The following RAB3GAP1 variants were observed in gnomAD, a reference collection of about 807,000 sequenced individuals.
RAB3GAP1 encodes rab3 GTPase-activating protein catalytic subunit.
In RAB3GAP1, 86 loss-of-function variants were observed where a neutral mutation model predicts 130.7. The observed-to-expected ratio is 0.66, with a 90% CI of 0.55 to 0.79. The LOEUF is 0.79. RAB3GAP1 is among the 30% of genes least tolerant of loss of function. RAB3GAP1 has a pLI of 0.00. For missense variants in RAB3GAP1, 1,029 were observed against 1,169.4 expected, an observed-to-expected ratio of 0.88 and a Z score of 1.75; for synonymous variants, 367 against 401.7, an observed-to-expected ratio of 0.91 and a Z score of 1.03.
chr2:135,055,982 G>A (rs1574071142), intron 2 of RAB3GAP1, among the ~76,000 whole-genome samples: 6 of 151,878 alleles, frequency 4.0e-5, no homozygotes, highest in African/African-American at 1.2e-4. Flanking sequence ...GACTACAGGT[G>A]CCCGCCACCA....
At chr2:135,116,853 G>C (rs1690984543) in intron 7 of RAB3GAP1, among the ~76,000 whole-genome samples, 1 of 152,082 alleles carries the variant, frequency 6.6e-6, no homozygotes, top group African/African-American at 2.4e-5. Context: ...CAATCTTTCT[G>C]AAGGTTTGAG....
intron 17 of RAB3GAP1, among the ~76,000 whole-genome samples, chr2:135,138,714 TC>T (rs1319956771): frequency 6.6e-6 from 1 of 151,784 alleles, no homozygotes; most frequent in Non-Finnish European, 1.5e-5. Flanking sequence ...GCTCAAGTGA[TC>T]CTCTGACCTT....
At chr2:135,053,451 G>T (rs1300870124) in intron 2 of RAB3GAP1, among the ~76,000 whole-genome samples, 1 of 152,214 alleles carries the variant, frequency 6.6e-6, no homozygotes, top group Non-Finnish European at 1.5e-5. Context: ...AGGAGTGATA[G>T]CTTAGATCGA....
chr2:135,093,698 G>A lies in RAB3GAP1; in HGVS notation c.362+5G>A, dbSNP rs1268683289. On this transcript the variant is annotated splice_donor_5th_base_variant and intron_variant, in intron 5 of 23. Coordinates refer to ENST00000264158, the MANE Select transcript of RAB3GAP1 (RefSeq NM_012233.3). ...AGCACATTGCCTGGTAAGATGGTAG[G>A]TATATCTTTTACTCAGTATCTTTTA... is the stretch of plus-strand genomic sequence containing the variant. 1.2e-6 allele frequency: 2 copies of A among 1,601,638 alleles called. No homozygotes were observed. Among genetic ancestry groups the A allele is most frequent in the Admixed American group, 1.7e-5 (1 of 59,982 alleles).
intron 3 of RAB3GAP1, among the ~76,000 whole-genome samples, chr2:135,081,306 C>CAA (rs1169138978): frequency 0.033 from 430 of 12,950 alleles, 20 homozygotes; most frequent in East Asian, 0.079. Flanking sequence ...GACTCCGTCT[C>CAA]AAAAAAAAAA....
At chr2:135,151,711 G>A (rs1692177844) in intron 18 of RAB3GAP1, among the ~76,000 whole-genome samples, 2 of 152,216 alleles carry the variant, frequency 1.3e-5, no homozygotes, top group Admixed American at 6.5e-5. Context: ...TGGGGCACAT[G>A]TCAAACCAAA....
intron 19 of RAB3GAP1, among the ~76,000 whole-genome samples, chr2:135,159,823 A>G (rs1245061981): frequency 1.3e-5 from 2 of 152,274 alleles, no homozygotes; most frequent in Non-Finnish European, 1.5e-5. Flanking sequence ...TGAAGCACTG[A>G]TATGTGTTAC....
At chr2:135,115,145 GA>G in intron 6 of RAB3GAP1, 70 bp from the exon 7 acceptor site, 1 of 1,433,356 alleles carries the variant, frequency 7.0e-7, no homozygotes, top group Non-Finnish European at 9.7e-7. Context: ...AAATAATTTG[GA>G]AAAAATTTGA....
In RAB3GAP1 at chr2:135,113,999, C is replaced by T. The variant is rs557800133; in HGVS notation, c.482+729C>T. Among the ~76,000 whole-genome samples, 16 of 152,268 alleles carry T rather than the reference C, an allele frequency of 1.1e-4. No homozygotes were observed. In the South Asian group the frequency reaches 1.7e-3, roughly 16 times the overall value. On this transcript the variant is annotated intron_variant, in intron 6 of 23. Transcript: ENST00000264158. The stretch of plus-strand genomic sequence containing the variant: ...TCCTGACCTCAGATGATCCGCCCGC[C>T]GCGGCCTTCCAGAATGCTAGGATTA...
At chr2:135,095,091 C>T (rs1163015649) in intron 5 of RAB3GAP1, among the ~76,000 whole-genome samples, 1 of 152,116 alleles carries the variant, frequency 6.6e-6, no homozygotes, top group Non-Finnish European at 1.5e-5. Context: ...CTCTGTCGCC[C>T]AGGCTGGAGT....
intron 5 of RAB3GAP1, among the ~76,000 whole-genome samples, chr2:135,097,531 C>A (rs574417237): frequency 2.0e-5 from 3 of 152,094 alleles, no homozygotes; most frequent in African/African-American, 7.2e-5. Flanking sequence ...ACACTCTCGA[C>A]ATCCTTATAA....
chr2:135,058,579 C>T (rs1689085573), intron 3 of RAB3GAP1: 1 of 152,134 alleles, frequency 6.6e-6, no homozygotes, highest in African/African-American at 2.4e-5. Flanking sequence ...TCCCCCTTCC[C>T]TTTTAAGCTT....
chr2:135,131,402 A>AT lies in RAB3GAP1; in HGVS notation c.1236+690dup, dbSNP rs761198556. Among the ~76,000 whole-genome samples, 65 of 149,456 alleles carry AT rather than the reference A, an allele frequency of 4.3e-4. 1 individual carries two copies. The highest frequency in any genetic ancestry group is 3.2e-3 in the East Asian group (16 of 5,076). ...CACCATGCCTGGCTAATTTTTTTGT[A>AT]TTTTTTTTTAGTAGAGATAGGGTTT... On this transcript the variant is annotated intron_variant, in intron 13 of 23. Transcript: ENST00000264158.
Position 135,070,996 on chromosome 2 carries a change from G to A in RAB3GAP1, c.150+12910G>A, listed in dbSNP as rs111916835. Among the ~76,000 whole-genome samples, 472 of 152,270 alleles carry A rather than the reference G, an allele frequency of 3.1e-3. 3 individuals carry two copies. Among genetic ancestry groups the A allele is most frequent in the African/African-American group, 0.01 (436 of 41,556 alleles). On this transcript the variant is annotated intron_variant, in intron 3 of 23. Transcript: ENST00000264158. ...TATATTCATTATTTTAAAAATTAAT[G>A]TATTTCATGTTGACAGAATTTATAT... is the stretch of plus-strand genomic sequence containing the variant.
Position 135,052,496 on chromosome 2 carries a change from C to G in RAB3GAP1, c.74+11C>G, listed in dbSNP as rs536254638. ...CTCGGAATGGGAAAGGTGAGTGAAT[C>G]GCATTTTTGGTTACCAGCTCCCATG... On this transcript the variant is annotated intron_variant, in intron 2 of 23. Coordinates refer to ENST00000264158, the MANE Select transcript of RAB3GAP1 (RefSeq NM_012233.3). The G allele has an allele frequency of 1.9e-6, 3 of 1,613,242 alleles. No homozygotes were observed. Among genetic ancestry groups the G allele is most frequent in the South Asian group, 2.2e-5 (2 of 91,030 alleles).
In RAB3GAP1 at chr2:135,135,774, C is replaced by T. The variant is rs1443159728; in HGVS notation, c.1765C>T (p.Leu589=). 3 of 1,613,854 alleles carry T rather than the reference C, an allele frequency of 1.9e-6. No homozygotes were observed. Among genetic ancestry groups the T allele is most frequent in the Non-Finnish European group, 2.5e-6 (3 of 1,179,986 alleles). ...CAGCGAAGAAGAATTTTTTGAATGC[C>T]TAAGTGATACTGAAGAACTTAAAGG... is the stretch of plus-strand genomic sequence containing the variant. ...SDSEEEFFEC[L]SDTEELKGNG... Residue 589 remains leucine (L), a synonymous_variant, in exon 17 of 24, where the codon CTA becomes TTA. Transcript: ENST00000264158.
chr2:135,161,028 T>C (rs1413914835), intron 19 of RAB3GAP1, among the ~76,000 whole-genome samples: 1 of 152,194 alleles, frequency 6.6e-6, no homozygotes, highest in East Asian at 1.9e-4. Flanking sequence ...ACGTTATTCC[T>C]GCAAATTTGT....
chr2:135,077,452 G>C (rs1689663350), intron 3 of RAB3GAP1, among the ~76,000 whole-genome samples: 1 of 152,182 alleles, frequency 6.6e-6, no homozygotes, highest in Non-Finnish European at 1.5e-5. Flanking sequence ...AGCATTTTGG[G>C]AGGCCCAGGC....
At chr2:135,171,043 T>C (rs1692836641), downstream of RAB3GAP1, among the ~76,000 whole-genome samples, 1 of 151,878 alleles carries the variant, frequency 6.6e-6, no homozygotes, top group South Asian at 2.1e-4. Context: ...AGAAGGCCAC[T>C]CTAGGGTGAG....
Sources: gnomAD v4.1 joint callset for allele counts (sites outside exome capture counted in the v4.1 genomes callset) on GRCh38, gnomAD v4.1.1 for gene constraint, MANE v1.5 for transcripts, NCBI Gene and HGNC (gene_info 2026-07-23, HGNC 2026-07-21) for gene names.